Variants in SH3RF2 observed in about 807,000 individuals in gnomAD.
SH3RF2 encodes the protein E3 ubiquitin-protein ligase SH3RF2.
Under a neutral mutation model 59.0 loss-of-function variants are expected in SH3RF2, and 43 were observed. The observed-to-expected ratio is 0.73, with a 90% confidence interval of 0.57 to 0.94. The LOEUF (loss-of-function observed/expected upper bound fraction) is 0.94, where lower values mean the gene tolerates loss of function less well. Among genes scored for constraint, SH3RF2 ranks in the 40% least tolerant of loss-of-function variants. The probability of loss-of-function intolerance (pLI) is 0.00; values close to 1 mark genes in which losing one functional copy is unlikely to be tolerated. For synonymous variants in SH3RF2, 391 were observed against 391.5 expected (o/e 1.00, Z 0.01); for missense variants, 930 against 940.1 (o/e 0.99, Z 0.14).
chr5:145,951,522 A>G (rs1018624574), intron 2 of SH3RF2, among the ~76,000 whole-genome samples: 1 of 152,160 alleles, frequency 6.6e-6, no homozygotes, highest in African/African-American at 2.4e-5. Flanking sequence ...AGACATCTTG[A>G]AGGTCCTCCA....
intron 5 of SH3RF2, among the ~76,000 whole-genome samples, chr5:146,016,447 A>T (rs957646515): frequency 3.3e-5 from 5 of 152,096 alleles, no homozygotes; most frequent in African/African-American, 1.2e-4. Context: ...AGATAAATAG[A>T]TACAGTGATA....
At chr5:146,008,707 T>C (rs1331184157) in intron 4 of SH3RF2, among the ~76,000 whole-genome samples, 1 of 152,218 alleles carries the variant, frequency 6.6e-6, no homozygotes, top group African/African-American at 2.4e-5. Context: ...TGTAAAATTG[T>C]TTAACCACAC....
chr5:146,059,018 A>G (rs1762780932), intron 8 of SH3RF2, among the ~76,000 whole-genome samples: 1 of 152,180 alleles, frequency 6.6e-6, no homozygotes. Flanking sequence ...TATTCCAGGC[A>G]CTATCCTGAT....
chr5:145,998,690 A>G (rs1438365037), intron 2 of SH3RF2, among the ~76,000 whole-genome samples: 1 of 152,172 alleles, frequency 6.6e-6, no homozygotes, highest in African/African-American at 2.4e-5. Flanking sequence ...AGGTGGGTGG[A>G]TCATGAGGTC....
chr5:146,068,309 G>C (rs1249889951), intron 9 of SH3RF2, among the ~76,000 whole-genome samples: 1 of 152,210 alleles, frequency 6.6e-6, no homozygotes, highest in Non-Finnish European at 1.5e-5. Flanking sequence ...CTCCCTTCCT[G>C]AGAAGTGAAC....
At position 146,047,688 on chromosome 5, in the gene SH3RF2, C is replaced by T; in HGVS notation, c.1060-84C>T. ...CTGTTGGTTTTCAGCTGTGTCAGGTCTTTCTACGTAGCTGCTCTGTTTGCT... is the reference window on the plus strand; with the variant it reads ...CTGTTGGTTTTCAGCTGTGTCAGGTTTTTCTACGTAGCTGCTCTGTTTGCT... On this transcript the variant is annotated intron_variant, in intron 5 of 9. Coordinates refer to ENST00000359120, the MANE Select transcript of SH3RF2 (RefSeq NM_152550.4). The T allele has an allele frequency of 2.3e-6, 3 of 1,303,362 alleles. No individual in the cohort carries two copies. In the South Asian group the frequency reaches 3.9e-5, roughly 17 times the overall value. The allele number at this position is 1,303,362 out of a possible 1,614,324, so 80.7% of individuals were successfully genotyped here.
intron 4 of SH3RF2, among the ~76,000 whole-genome samples, chr5:146,010,973 G>T (rs943245685): frequency 2.6e-5 from 4 of 152,028 alleles, no homozygotes; most frequent in Admixed American, 6.6e-5. Flanking sequence ...GTCCTGAATG[G>T]TATTGCCTAG....
chr5:145,959,617 G>A (rs536634579), intron 2 of SH3RF2, among the ~76,000 whole-genome samples: 6,403 of 92,740 alleles, frequency 0.069, 463 homozygotes, highest in African/African-American at 0.27. Context: ...ATATATATAT[G>A]TGTGTGTGTG....
At chr5:145,979,224 C>G (rs1437387597) in intron 2 of SH3RF2, among the ~76,000 whole-genome samples, 1 of 152,186 alleles carries the variant, frequency 6.6e-6, no homozygotes, top group Non-Finnish European at 1.5e-5. Context: ...TTCTTGGGCC[C>G]CACCCCAGAC....
intron 2 of SH3RF2, among the ~76,000 whole-genome samples, chr5:145,947,828 G>C (rs1249862547): frequency 6.6e-6 from 1 of 152,132 alleles, no homozygotes; most frequent in African/African-American, 2.4e-5. Context: ...AGAGAGACAG[G>C]ATCCATGTCC....
At chr5:146,009,878 A>AT (rs1425589163) in intron 4 of SH3RF2, among the ~76,000 whole-genome samples, 5 of 151,938 alleles carry the variant, frequency 3.3e-5, no homozygotes, top group Non-Finnish European at 5.9e-5. Flanking sequence ...TATCTCAGCT[A>AT]TTTTTTTGTT....
chr5:146,046,723 AAT>A, intron 5 of SH3RF2, among the ~76,000 whole-genome samples: 1 of 152,188 alleles, frequency 6.6e-6, no homozygotes, highest in Admixed American at 6.5e-5. Flanking sequence ...TAAGCAAGGC[AAT>A]ATGTTTGCCA....
At chr5:146,021,760 C>T (rs1054401644) in intron 5 of SH3RF2, among the ~76,000 whole-genome samples, 2 of 152,112 alleles carry the variant, frequency 1.3e-5, no homozygotes, top group African/African-American at 4.8e-5. Context: ...CATGAGCCAC[C>T]CAGAGATACA....
intron 3 of SH3RF2, among the ~76,000 whole-genome samples, chr5:146,002,705 G>T (rs1371896101): frequency 6.6e-6 from 1 of 152,136 alleles, no homozygotes; most frequent in Admixed American, 6.5e-5. Flanking sequence ...CTCCCCATGG[G>T]TCGCATTACT....
chr5:146,067,624 A>C (rs1469735802), downstream of SH3RF2, among the ~76,000 whole-genome samples: 1 of 152,198 alleles, frequency 6.6e-6, no homozygotes, highest in Non-Finnish European at 1.5e-5. Context: ...ATTCACATAA[A>C]GTGTGAGGCT....
intron 2 of SH3RF2, among the ~76,000 whole-genome samples, chr5:145,972,700 T>G (rs1363257149): frequency 1.3e-5 from 2 of 152,212 alleles, no homozygotes; most frequent in Non-Finnish European, 2.9e-5. Flanking sequence ...CCTTTATCCT[T>G]TATGCCTTTC....
At chr5:146,035,169 T>C (rs1761887293) in intron 5 of SH3RF2, among the ~76,000 whole-genome samples, 1 of 151,946 alleles carries the variant, frequency 6.6e-6, no homozygotes, top group Non-Finnish European at 1.5e-5. Flanking sequence ...GCGATTTTTT[T>C]TTCTCTTTTT....
intron 5 of SH3RF2, among the ~76,000 whole-genome samples, chr5:146,043,614 G>A (rs2150011698): frequency 6.6e-6 from 1 of 152,310 alleles, no homozygotes; most frequent in East Asian, 1.9e-4. Flanking sequence ...GCTCTCTTGT[G>A]CCCCTTTGCT....
chr5:145,990,353 G>A (rs1759885829), intron 2 of SH3RF2, among the ~76,000 whole-genome samples: 1 of 152,190 alleles, frequency 6.6e-6, no homozygotes, highest in South Asian at 2.1e-4. Context: ...AAGCAATAGA[G>A]ATTATTTCTC....
Sources: gnomAD v4.1 joint callset for allele counts (sites outside exome capture counted in the v4.1 genomes callset) on GRCh38, gnomAD v4.1.1 for gene constraint, MANE v1.5 for transcripts, NCBI Gene and HGNC (gene_info 2026-07-23, HGNC 2026-07-21) for gene names.